The following PPARGC1A variants were observed in gnomAD, a reference collection of about 807,000 sequenced individuals.
PPARGC1A encodes peroxisome proliferator-activated receptor gamma coactivator 1-alpha.
Under a neutral mutation model 88.7 loss-of-function variants are expected in PPARGC1A, and 25 were observed. That is an observed-to-expected ratio of 0.28 (90% CI 0.21 to 0.39). The LOEUF is 0.39. Among genes scored for constraint, PPARGC1A ranks in the 10% least tolerant of loss-of-function variants. PPARGC1A has a pLI of 1.00. For synonymous variants in PPARGC1A, 363 were observed against 355.6 expected (o/e 1.02, Z -0.24); for missense variants, 880 against 968.7 (o/e 0.91, Z 1.22).
intron 5 of PPARGC1A, chr4:23,825,323 T>A (rs899302888): frequency 6.6e-6 from 1 of 152,146 alleles, no homozygotes; most frequent in Non-Finnish European, 1.5e-5. Context: ...GTATTATGTA[T>A]ATCTATGCTT....
the PPARGC1A span, among the ~76,000 whole-genome samples, chr4:24,023,435 G>C: frequency 1.3e-5 from 2 of 152,192 alleles, no homozygotes; most frequent in East Asian, 3.9e-4. Context: ...AGTAGAGAAA[G>C]ACAGAGACCA....
the PPARGC1A span, among the ~76,000 whole-genome samples, chr4:23,968,422 G>A: frequency 1.3e-5 from 2 of 152,050 alleles, no homozygotes; most frequent in Non-Finnish European, 2.9e-5. Flanking sequence ...TAATCCCACT[G>A]CAACCAACCA....
chr4:23,942,865 A>G, the PPARGC1A span, among the ~76,000 whole-genome samples: 72 of 152,320 alleles, frequency 4.7e-4, no homozygotes, highest in African/African-American at 1.7e-3. Context: ...CATGTTACAT[A>G]AATTTTAGCA....
chr4:24,122,459 AG>A, the PPARGC1A span, among the ~76,000 whole-genome samples: 1 of 148,582 alleles, frequency 6.7e-6, no homozygotes, highest in East Asian at 2.3e-4. Context: ...AGAGAGAGAG[AG>A]ATCTATATAA....
At chr4:24,467,605 C>G in the PPARGC1A span, among the ~76,000 whole-genome samples, 1 of 151,980 alleles carries the variant, frequency 6.6e-6, no homozygotes, top group Non-Finnish European at 1.5e-5. Flanking sequence ...AAGAAGTGTT[C>G]CTCAGTGGGC....
rs553746789 is a variant in PPARGC1A, at chr4:23,825,013, G to A, written c.758-505C>T. Reference sequence around the variant, plus strand: ...CACTGAAAATTAATTGAGAGATGATGGCAAATTGTGGGCATTGATCCAGAT... The same window carrying A: ...CACTGAAAATTAATTGAGAGATGATAGCAAATTGTGGGCATTGATCCAGAT... On this transcript the variant is annotated intron_variant, in intron 5 of 12. Transcript: ENST00000264867. Among the ~76,000 whole-genome samples, 11 of 152,204 alleles carry A rather than the reference G, an allele frequency of 7.2e-5. No individual in the cohort carries two copies. In the South Asian group the frequency reaches 2.3e-3, roughly 32 times the overall value.
the PPARGC1A span, among the ~76,000 whole-genome samples, chr4:24,047,156 C>T: frequency 1.3e-5 from 2 of 152,200 alleles, no homozygotes; most frequent in Admixed American, 6.5e-5. Flanking sequence ...TTCCCAAACT[C>T]AATCGTTCCT....
chr4:24,068,930 G>C, the PPARGC1A span, among the ~76,000 whole-genome samples: 1 of 152,090 alleles, frequency 6.6e-6, no homozygotes, highest in Non-Finnish European at 1.5e-5. Context: ...CACCTTCTAT[G>C]ACTGAGCTGT....
chr4:23,972,645 T>C, the PPARGC1A span, among the ~76,000 whole-genome samples: 1 of 152,204 alleles, frequency 6.6e-6, no homozygotes, highest in Non-Finnish European at 1.5e-5. Context: ...TGCTGTCTCA[T>C]ACTATGTTTC....
the PPARGC1A span, among the ~76,000 whole-genome samples, chr4:24,000,028 G>T: frequency 6.6e-6 from 1 of 152,158 alleles, no homozygotes; most frequent in Non-Finnish European, 1.5e-5. Context: ...GAATAAAAAT[G>T]ATAGGTTTCA....
At chr4:23,991,631 C>T in the PPARGC1A span, among the ~76,000 whole-genome samples, 1 of 152,018 alleles carries the variant, frequency 6.6e-6, no homozygotes, top group East Asian at 1.9e-4. Flanking sequence ...CTTATCTCCC[C>T]AACAACCCTG....
the PPARGC1A span, among the ~76,000 whole-genome samples, chr4:24,008,308 G>A: frequency 3.0e-3 from 464 of 152,196 alleles, 4 homozygotes; most frequent in African/African-American, 0.011. Context: ...AAGAAAAAGA[G>A]CTCTTTATTT....
At chr4:24,045,580 A>G in the PPARGC1A span, among the ~76,000 whole-genome samples, 1 of 152,154 alleles carries the variant, frequency 6.6e-6, no homozygotes, top group Non-Finnish European at 1.5e-5. Flanking sequence ...GCTTGTAGAT[A>G]CATCACTTCA....
chr4:24,300,750 G>A, the PPARGC1A span, among the ~76,000 whole-genome samples: 7 of 152,154 alleles, frequency 4.6e-5, no homozygotes, highest in Admixed American at 4.6e-4. Context: ...CTTGCAGCTA[G>A]GTATGCAGAG....
At chr4:24,302,617 G>A in the PPARGC1A span, among the ~76,000 whole-genome samples, 1 of 152,212 alleles carries the variant, frequency 6.6e-6, no homozygotes, top group Non-Finnish European at 1.5e-5. Flanking sequence ...CTCGTTTACA[G>A]CAGGTGGATG....
intron 11 of PPARGC1A, 39 bp from the exon 12 acceptor site, chr4:23,801,920 G>A: frequency 6.2e-7 from 1 of 1,610,710 alleles, no homozygotes; most frequent in Non-Finnish European, 8.5e-7. Context: ...TGGTTAAGAA[G>A]TATTAGTATA....
chr4:24,278,639 C>T, the PPARGC1A span, among the ~76,000 whole-genome samples: 3 of 152,184 alleles, frequency 2.0e-5, no homozygotes, highest in African/African-American at 7.2e-5. Flanking sequence ...CTCTTGAAGC[C>T]TCAGAGACCT....
upstream of PPARGC1A, among the ~76,000 whole-genome samples, chr4:23,899,582 A>G (rs920155608): frequency 8.5e-5 from 13 of 152,250 alleles, no homozygotes; most frequent in African/African-American, 3.1e-4. Flanking sequence ...AAATATATCA[A>G]TGAGAATTAA....
chr4:24,353,192 C>T, the PPARGC1A span, among the ~76,000 whole-genome samples: 2 of 144,188 alleles, frequency 1.4e-5, no homozygotes. Flanking sequence ...AATAATCAAT[C>T]TTTTTTTTTT....
Sources: allele counts gnomAD v4.1 joint callset (sites outside exome capture counted in the v4.1 genomes callset), GRCh38; gene constraint gnomAD v4.1.1; transcripts MANE v1.5; gene names NCBI Gene and HGNC (gene_info 2026-07-23, HGNC 2026-07-21).